Variants in DNAH3 observed in about 807,000 individuals in gnomAD.
DNAH3 encodes axonemal beta dynein heavy chain 3.
In DNAH3, 332 loss-of-function variants were observed where a neutral mutation model predicts 432.5. The observed-to-expected ratio is 0.77, with a 90% CI of 0.70 to 0.84. The LOEUF is 0.84. DNAH3 is among the 40% of genes least tolerant of loss of function. The pLI is 0.00. For missense variants in DNAH3, 4,861 were observed against 5,114.0 expected (o/e 0.95, Z 1.51); for synonymous variants, 1,956 against 1,900.2 (o/e 1.03, Z -0.76).
chr16:21,046,145 T>C (rs2089685545), intron 31 of DNAH3, among the ~76,000 whole-genome samples: 1 of 139,848 alleles, frequency 7.2e-6, no homozygotes, highest in East Asian at 2.1e-4. Context: ...AAAAAATGTA[T>C]ATTCTGTTGA....
intron 4 of DNAH3, 28 bp downstream of exon 5, chr16:21,141,272 T>C: frequency 6.5e-7 from 1 of 1,545,394 alleles, no homozygotes; most frequent in Non-Finnish European, 8.8e-7. Context: ...CCGTCCTGCC[T>C]TCTCTGGTGC....
intron 55 of DNAH3, among the ~76,000 whole-genome samples, chr16:20,953,163 G>GT (rs71149202): frequency 0.085 from 12,265 of 143,598 alleles, 568 homozygotes; most frequent in East Asian, 0.17. Flanking sequence ...TTTGTTTGTT[G>GT]TTTTTTTTTT....
chr16:20,956,053 G>A (rs1280884790), intron 54 of DNAH3, among the ~76,000 whole-genome samples: 2 of 151,604 alleles, frequency 1.3e-5, no homozygotes, highest in African/African-American at 4.8e-5. Context: ...TCAGCCTCCC[G>A]AGTAGCTGGG....
intron 31 of DNAH3, 82 bp from the exon 32 acceptor site, chr16:21,042,285 C>T (rs1168804918): frequency 7.0e-7 from 1 of 1,419,074 alleles, no homozygotes; most frequent in Non-Finnish European, 9.5e-7. Flanking sequence ...TCCCACATAG[C>T]AAAGAAAGAA....
chr16:21,134,691 TA>T (rs1042465578), intron 6 of DNAH3, among the ~76,000 whole-genome samples: 1 of 152,006 alleles, frequency 6.6e-6, no homozygotes, highest in African/African-American at 2.4e-5. Context: ...TTTATTTATT[TA>T]TTTTTTGAGA....
chr16:20,957,681 G>A (rs898856125), intron 54 of DNAH3, among the ~76,000 whole-genome samples: 1 of 151,662 alleles, frequency 6.6e-6, no homozygotes, highest in East Asian at 1.9e-4. Flanking sequence ...GCATGGTGGT[G>A]CATGCCTGTA....
intron 47 of DNAH3, among the ~76,000 whole-genome samples, chr16:20,986,575 C>A (rs1014724448): frequency 1.3e-5 from 2 of 152,048 alleles, no homozygotes; most frequent in African/African-American, 2.4e-5. Flanking sequence ...AGTCTATTTG[C>A]CATGTGATTA....
chr16:21,079,016 G>C (rs997612441), intron 20 of DNAH3, among the ~76,000 whole-genome samples: 9 of 152,232 alleles, frequency 5.9e-5, no homozygotes, highest in African/African-American at 1.9e-4. Flanking sequence ...ACTTAGCCAA[G>C]ATGCTTCCAC....
At chr16:21,021,934 C>T in intron 40 of DNAH3, 37 bp downstream of exon 40, 1 of 1,606,050 alleles carries the variant, frequency 6.2e-7, no homozygotes, top group Non-Finnish European at 8.5e-7. Context: ...GGTAGACCCA[C>T]CCCCCATGTG....
intron 58 of DNAH3, 98 bp downstream of exon 58, chr16:20,944,398 C>A: frequency 7.0e-7 from 1 of 1,421,002 alleles, no homozygotes; most frequent in Non-Finnish European, 9.8e-7. Flanking sequence ...GCCAGGCCCC[C>A]ACTCTCTGCC....
At chr16:20,982,576 TCTAA>T (rs772503233) in intron 49 of DNAH3, 141 bp downstream of exon 49, 78 of 622,812 alleles carry the variant, frequency 1.3e-4, no homozygotes, top group Non-Finnish European at 1.5e-4. Context: ...TTATTAAATA[TCTAA>T]CTAACTGTGA....
chr16:21,119,978 C>T (rs2092300537), intron 11 of DNAH3, among the ~76,000 whole-genome samples: 1 of 152,214 alleles, frequency 6.6e-6, no homozygotes, highest in African/African-American at 2.4e-5. Context: ...GTGTGAGCCA[C>T]TGTGCCTAGC....
chr16:21,016,692 C>T (rs2087873074), intron 41 of DNAH3, among the ~76,000 whole-genome samples: 1 of 152,140 alleles, frequency 6.6e-6, no homozygotes, highest in Non-Finnish European at 1.5e-5. Context: ...ACTCAAAAGA[C>T]AGTATTTGTA....
chr16:20,957,960 C>G (rs1411043912), intron 54 of DNAH3, among the ~76,000 whole-genome samples: 1 of 150,888 alleles, frequency 6.6e-6, no homozygotes, highest in African/African-American at 2.4e-5. Flanking sequence ...TTAAAATTCC[C>G]AAAAAACAAA....
At chr16:20,971,193 C>T (rs1022329802) in intron 51 of DNAH3, among the ~76,000 whole-genome samples, 2 of 147,332 alleles carry the variant, frequency 1.4e-5, no homozygotes. Context: ...TAACAAATCA[C>T]TTTTTTTTTT....
At chr16:21,073,987 T>C (rs73542606) in intron 21 of DNAH3, among the ~76,000 whole-genome samples, 3,599 of 152,326 alleles carry the variant, frequency 0.024, 148 homozygotes, top group African/African-American at 0.081. Flanking sequence ...AAAACACAGT[T>C]TTCCCTGGGT....
intron 31 of DNAH3, among the ~76,000 whole-genome samples, chr16:21,049,226 A>G (rs2089852004): frequency 6.6e-6 from 1 of 152,154 alleles, no homozygotes; most frequent in Non-Finnish European, 1.5e-5. Context: ...GGCCTCCCAA[A>G]GTGTCAGGAT....
chr16:20,990,974 T>C (rs1041065502), intron 44 of DNAH3, among the ~76,000 whole-genome samples: 3 of 152,136 alleles, frequency 2.0e-5, no homozygotes, highest in African/African-American at 7.2e-5. Context: ...TGAGCCGAGA[T>C]TGTGCCACTG....
chr16:21,056,700 C>T (rs1253135765), intron 27 of DNAH3, among the ~76,000 whole-genome samples: 2 of 152,072 alleles, frequency 1.3e-5, no homozygotes, highest in African/African-American at 2.4e-5. Context: ...CTTTAGGATA[C>T]GGAGACACAT....
Sources: gnomAD v4.1 joint callset for allele counts (sites outside exome capture counted in the v4.1 genomes callset) on GRCh38, gnomAD v4.1.1 for gene constraint, MANE v1.5 for transcripts, NCBI Gene and HGNC (gene_info 2026-07-23, HGNC 2026-07-21) for gene names.